DPP10: variants seen among roughly 807,000 people sequenced by gnomAD.
DPP10 encodes the protein dipeptidyl peptidase like 10, also known as inactive dipeptidyl peptidase 10.
A neutral mutation model predicts 120.9 loss-of-function variants in DPP10; 33 were observed. The observed-to-expected ratio is 0.27, with a 90% CI of 0.21 to 0.37. DPP10 has a LOEUF of 0.37. Ranked by LOEUF, DPP10 falls within the 10% of genes least tolerant of loss-of-function variation. The probability of loss-of-function intolerance (pLI) is 1.00; values close to 1 mark genes in which losing one functional copy is unlikely to be tolerated. For synonymous variants in DPP10, 337 were observed against 326.1 expected, an observed-to-expected ratio of 1.03 and a Z score of -0.36; for missense variants, 816 against 942.8, an observed-to-expected ratio of 0.87 and a Z score of 1.76.
At chr2:115,822,051 T>C (rs1400417499) in intron 21 of DPP10, among the ~76,000 whole-genome samples, 1 of 152,024 alleles carries the variant, frequency 6.6e-6, no homozygotes, top group Non-Finnish European at 1.5e-5. Context: ...CATCAGTCTT[T>C]TAAAATCATC....
At chr2:114,992,685 G>C (rs373385939) in intron 1 of DPP10, among the ~76,000 whole-genome samples, 25 of 152,288 alleles carry the variant, frequency 1.6e-4, no homozygotes, top group East Asian at 1.2e-3. Flanking sequence ...CTAGAGAGCT[G>C]AATCACAAGA....
chr2:114,702,163 T>C (rs559090183), intron 1 of DPP10, among the ~76,000 whole-genome samples: 4 of 152,260 alleles, frequency 2.6e-5, no homozygotes, highest in Middle Eastern at 3.4e-3. Flanking sequence ...TATTGTATTT[T>C]TGTTCTCAGA....
At chr2:115,517,504 G>A (rs1204767264) in intron 4 of DPP10, among the ~76,000 whole-genome samples, 2 of 152,006 alleles carry the variant, frequency 1.3e-5, no homozygotes, top group East Asian at 3.9e-4. Flanking sequence ...TTATCACTCA[G>A]CATTTTGTTA....
intron 4 of DPP10, among the ~76,000 whole-genome samples, chr2:115,502,460 C>G (rs1050972931): frequency 6.6e-5 from 10 of 152,060 alleles, no homozygotes; most frequent in Admixed American, 6.6e-4. Flanking sequence ...CTCTTAAAGC[C>G]AGAACTATTT....
chr2:115,746,742 A>T (rs891335153), intron 10 of DPP10, among the ~76,000 whole-genome samples: 2 of 152,226 alleles, frequency 1.3e-5, no homozygotes, highest in Non-Finnish European at 2.9e-5. Context: ...CAAAATCTTC[A>T]GTAGTGAACA....
intron 5 of DPP10, among the ~76,000 whole-genome samples, chr2:115,666,562 T>G (rs1411098178): frequency 6.6e-6 from 1 of 152,136 alleles, no homozygotes; most frequent in East Asian, 1.9e-4. Context: ...TCCAGCTATA[T>G]CCATGATGCT....
At chr2:114,549,684 A>AAG (rs201802986) in intron 1 of DPP10, among the ~76,000 whole-genome samples, 2,611 of 68,498 alleles carry the variant, frequency 0.038, 38 homozygotes, top group Non-Finnish European at 0.054. Flanking sequence ...AAAAAAAAAA[A>AAG]AGAGAGAGAG....
At chr2:115,743,968 C>T (rs1677623166) in intron 9 of DPP10, among the ~76,000 whole-genome samples, 1 of 150,520 alleles carries the variant, frequency 6.6e-6, no homozygotes. Context: ...CCCCTCAGGA[C>T]CTCTGAATGA....
At chr2:115,755,689 G>T (rs752911067) in intron 11 of DPP10, among the ~76,000 whole-genome samples, 16 of 151,904 alleles carry the variant, frequency 1.1e-4, no homozygotes, top group Non-Finnish European at 2.2e-4. Flanking sequence ...ACAGTATGGA[G>T]GTTTCTCAAA....
intron 1 of DPP10, among the ~76,000 whole-genome samples, chr2:114,824,671 A>G (rs1393694529): frequency 6.6e-6 from 1 of 152,172 alleles, no homozygotes; most frequent in Non-Finnish European, 1.5e-5. Flanking sequence ...TATTGGAGAC[A>G]GGAAAGAATA....
chr2:114,625,202 T>C (rs547374293), intron 1 of DPP10, among the ~76,000 whole-genome samples: 2 of 151,976 alleles, frequency 1.3e-5, no homozygotes, highest in Admixed American at 6.6e-5. Flanking sequence ...TGTTGTTGTA[T>C]TGTTGAAGAC....
chr2:114,466,451 A>G (rs1679386984), intron 1 of DPP10, among the ~76,000 whole-genome samples: 1 of 152,238 alleles, frequency 6.6e-6, no homozygotes, highest in Non-Finnish European at 1.5e-5. Flanking sequence ...AGTTGTGAGC[A>G]CTGGCCCTGG....
intron 1 of DPP10, among the ~76,000 whole-genome samples, chr2:114,528,808 T>C (rs1685721267): frequency 6.6e-6 from 1 of 151,910 alleles, no homozygotes; most frequent in African/African-American, 2.4e-5. Flanking sequence ...TGAGGAGAAA[T>C]CCTTGCAGCT....
At chr2:114,858,388 T>C (rs1689536319) in intron 1 of DPP10, among the ~76,000 whole-genome samples, 1 of 152,202 alleles carries the variant, frequency 6.6e-6, no homozygotes, top group African/African-American at 2.4e-5. Flanking sequence ...AATTCTTATC[T>C]CTGTAACAAT....
intron 4 of DPP10, among the ~76,000 whole-genome samples, chr2:115,509,265 G>C (rs1049540281): frequency 6.6e-6 from 1 of 152,150 alleles, no homozygotes; most frequent in African/African-American, 2.4e-5. Context: ...AGTGCCAGCA[G>C]AGAAGAGAAA....
chr2:115,193,084 C>G (rs2055000122), intron 1 of DPP10, among the ~76,000 whole-genome samples: 1 of 152,140 alleles, frequency 6.6e-6, no homozygotes, highest in Admixed American at 6.5e-5. Context: ...TGCAAATAAA[C>G]TGTTTCTTCA....
At chr2:114,612,744 T>C (rs1323158561) in intron 1 of DPP10, among the ~76,000 whole-genome samples, 1 of 152,220 alleles carries the variant, frequency 6.6e-6, no homozygotes, top group Non-Finnish European at 1.5e-5. Context: ...CTCAGTCTTT[T>C]ACCAGCCATG....
chr2:115,113,428 G>GT (rs2049334476), intron 1 of DPP10, among the ~76,000 whole-genome samples: 2 of 151,478 alleles, frequency 1.3e-5, no homozygotes, highest in Admixed American at 6.6e-5. Context: ...TCTTAGACAC[G>GT]TTTTTTGCTC....
intron 1 of DPP10, among the ~76,000 whole-genome samples, chr2:114,893,803 TAG>T (rs1308305611): frequency 6.6e-6 from 1 of 152,220 alleles, no homozygotes; most frequent in Non-Finnish European, 1.5e-5. Flanking sequence ...ATGAGTAACG[TAG>T]AGTTAACCCT....
Sources: gnomAD v4.1 joint callset for allele counts (sites outside exome capture counted in the v4.1 genomes callset) on GRCh38, gnomAD v4.1.1 for gene constraint, MANE v1.5 for transcripts, NCBI Gene and HGNC (gene_info 2026-07-23, HGNC 2026-07-21) for gene names.